DLGAP1: variants seen among roughly 807,000 people sequenced by gnomAD.
DLGAP1 encodes disks large-associated protein 1.
In DLGAP1, 11 loss-of-function variants were observed where a neutral mutation model predicts 90.8. The ratio of observed to expected loss-of-function variants is 0.12; its 90% CI spans 0.08 to 0.20. The LOEUF is 0.20. Ranked by LOEUF, DLGAP1 falls within the 10% of genes least tolerant of loss-of-function variation. The pLI is 1.00. For missense variants in DLGAP1, 1,050 were observed against 1,333.8 expected, an observed-to-expected ratio of 0.79 and a Z score of 3.31; for synonymous variants, 558 against 540.7, an observed-to-expected ratio of 1.03 and a Z score of -0.44.
At chr18:3,798,404 C>A (rs554902864) in intron 5 of DLGAP1, among the ~76,000 whole-genome samples, 2 of 152,250 alleles carry the variant, frequency 1.3e-5, no homozygotes, top group South Asian at 4.1e-4. Context: ...GAAGGAAGTA[C>A]CTTCCTTTTA....
At chr18:4,061,296 T>G (rs2075294527) in intron 2 of DLGAP1, among the ~76,000 whole-genome samples, 1 of 152,136 alleles carries the variant, frequency 6.6e-6, no homozygotes, top group East Asian at 1.9e-4. Flanking sequence ...TTTTGCCTAG[T>G]TTAGAGGGTT....
chr18:3,536,830 G>A (rs2052407702), intron 9 of DLGAP1, among the ~76,000 whole-genome samples: 1 of 152,138 alleles, frequency 6.6e-6, no homozygotes, highest in Non-Finnish European at 1.5e-5. Flanking sequence ...ATGAAGGGGA[G>A]AACATGGGGA....
intron 1 of DLGAP1, among the ~76,000 whole-genome samples, chr18:4,302,497 G>C (rs940125531): frequency 1.3e-5 from 2 of 149,558 alleles, no homozygotes; most frequent in African/African-American, 2.5e-5. Context: ...ATTGGTCAAT[G>C]TGTGTATTTT....
rs531767755 is a variant in DLGAP1, at chr18:4,369,954, G to T, written c.-267+85052C>A. 1.4e-4 allele frequency among the ~76,000 whole-genome samples: 22 copies of T among 152,158 alleles called. No individual in the cohort carries two copies. The South Asian group carries it at 4.6e-3, about 32-fold the overall frequency. On this transcript the variant is annotated intron_variant, in intron 1 of 12. Coordinates refer to ENST00000315677, the MANE Select transcript of DLGAP1 (RefSeq NM_004746.4). ...AGCAGCCTGGAGGAGGGTGTGATAC[G>T]GTTATGATCGCATTGCTGTGACAAT...
rs1264876017 is a variant in DLGAP1 at position 3,660,625 on chromosome 18, C to A, written c.1591+68510G>T. ...GTTATTGAGCTGAGTACTGAGATTTCATTATATTGACCACTGTCTATTTCT... is the reference window on the plus strand; with the variant it reads ...GTTATTGAGCTGAGTACTGAGATTTAATTATATTGACCACTGTCTATTTCT... On this transcript the variant is annotated intron_variant, in intron 7 of 12. Coordinates refer to ENST00000315677, the MANE Select transcript of DLGAP1 (RefSeq NM_004746.4). The surrounding 1 kb of genome is among the most constrained non-coding windows in gnomAD (Gnocchi z 4.2). 6.6e-6 allele frequency among the ~76,000 whole-genome samples: 1 copy of A among 152,174 alleles called. No individual in the cohort carries two copies. Among genetic ancestry groups the A allele is most frequent in the African/African-American group, 2.4e-5 (1 of 41,432 alleles).
At chr18:4,446,807 T>C (rs1449010042) in intron 1 of DLGAP1, among the ~76,000 whole-genome samples, 2 of 152,036 alleles carry the variant, frequency 1.3e-5, no homozygotes, top group Non-Finnish European at 2.9e-5. Flanking sequence ...AACTCTGGTA[T>C]CCAGAATATA....
intron 7 of DLGAP1, among the ~76,000 whole-genome samples, chr18:3,634,445 A>G (rs1344499456): frequency 1.3e-5 from 2 of 152,028 alleles, no homozygotes; most frequent in African/African-American, 4.8e-5. Context: ...ACATTTTTGG[A>G]CTTTCCATCC....
At chr18:4,039,259 C>T (rs918900852) in intron 2 of DLGAP1, among the ~76,000 whole-genome samples, 1 of 151,996 alleles carries the variant, frequency 6.6e-6, no homozygotes, top group African/African-American at 2.4e-5. Flanking sequence ...CCTCTCTGAC[C>T]CAGGCCCCAC....
At chr18:3,765,354 T>C (rs953163167) in intron 5 of DLGAP1, among the ~76,000 whole-genome samples, 5 of 150,424 alleles carry the variant, frequency 3.3e-5, no homozygotes, top group Non-Finnish European at 5.9e-5. Flanking sequence ...ATGGTCTCGA[T>C]CTCCTGACCT....
chr18:3,877,492 G>C (rs918440696), intron 4 of DLGAP1, among the ~76,000 whole-genome samples: 1 of 152,108 alleles, frequency 6.6e-6, no homozygotes, highest in Non-Finnish European at 1.5e-5. Flanking sequence ...TTTTGCCACT[G>C]GTCATAGAAC....
At chr18:4,160,941 C>T (rs1223009086) in intron 1 of DLGAP1, among the ~76,000 whole-genome samples, 1 of 151,762 alleles carries the variant, frequency 6.6e-6, no homozygotes, top group African/African-American at 2.4e-5. Context: ...TGAGATCTCA[C>T]AGAAAATTCT....
At chr18:4,048,904 C>G (rs1440696552) in intron 2 of DLGAP1, among the ~76,000 whole-genome samples, 1 of 152,144 alleles carries the variant, frequency 6.6e-6, no homozygotes, top group East Asian at 1.9e-4. Flanking sequence ...GTCATTAGTT[C>G]ACATGTAACC....
At chr18:3,923,160 T>G (rs1266546398) in intron 3 of DLGAP1, among the ~76,000 whole-genome samples, 1 of 127,938 alleles carries the variant, frequency 7.8e-6, no homozygotes, top group Non-Finnish European at 1.7e-5. Flanking sequence ...AAAAAAGCAC[T>G]AATTTTGCTC....
chr18:4,120,749 T>TC (rs2076140505), intron 2 of DLGAP1, among the ~76,000 whole-genome samples: 3 of 145,414 alleles, frequency 2.1e-5, no homozygotes, highest in South Asian at 2.4e-4. Context: ...CCTCCCTCCG[T>TC]CCTGCCATCC....
chr18:3,901,634 T>C (rs371375039), intron 3 of DLGAP1, among the ~76,000 whole-genome samples: 13 of 152,226 alleles, frequency 8.5e-5, no homozygotes, highest in African/African-American at 3.1e-4. Flanking sequence ...TACATCCTCA[T>C]GGGTGGCAAT....
intron 3 of DLGAP1, among the ~76,000 whole-genome samples, chr18:3,953,686 C>T (rs2073031334): frequency 1.3e-5 from 2 of 152,114 alleles, no homozygotes; most frequent in South Asian, 4.1e-4. Context: ...ATTTCTTTCT[C>T]TTTGGTTATA....
At chr18:4,404,688 G>A (rs2144557102) in intron 1 of DLGAP1, among the ~76,000 whole-genome samples, 1 of 151,990 alleles carries the variant, frequency 6.6e-6, no homozygotes, top group South Asian at 2.1e-4. Flanking sequence ...GTCTTTCAAA[G>A]GAAAATGTCA....
At chr18:3,798,671 G>A (rs2066137257) in intron 5 of DLGAP1, among the ~76,000 whole-genome samples, 1 of 152,068 alleles carries the variant, frequency 6.6e-6, no homozygotes, top group Admixed American at 6.6e-5. Context: ...ATTTACTTAT[G>A]TATTTTTGAG....
intron 1 of DLGAP1, among the ~76,000 whole-genome samples, chr18:4,271,290 A>G (rs1598775988): frequency 6.6e-6 from 1 of 152,200 alleles, no homozygotes; most frequent in Admixed American, 6.5e-5. Flanking sequence ...ATTGTTAATC[A>G]TTAACCTCCA....
Sources: gnomAD v4.1 joint callset for allele counts (sites outside exome capture counted in the v4.1 genomes callset) on GRCh38, gnomAD v4.1.1 for gene constraint, Gnocchi (gnomAD v3.1) non-coding constraint, MANE v1.5 for transcripts, NCBI Gene and HGNC (gene_info 2026-07-23, HGNC 2026-07-21) for gene names.